Variants in ZSCAN21 observed in about 807,000 individuals in gnomAD.
The protein encoded by ZSCAN21 is zinc finger and SCAN domain-containing protein 21.
In ZSCAN21, 26 loss-of-function variants were observed where a neutral mutation model predicts 35.6. The ratio of observed to expected loss-of-function variants is 0.73; its 90% confidence interval spans 0.54 to 1.01. The LOEUF (loss-of-function observed/expected upper bound fraction) is 1.01. Ranked by LOEUF, ZSCAN21 falls within the 50% of genes least tolerant of loss-of-function variation. ZSCAN21 has a pLI of 0.00. For synonymous variants in ZSCAN21, 219 were observed against 219.3 expected (o/e 1.00, Z 0.01); for missense variants, 593 against 587.1 (o/e 1.01, Z -0.10).
intron 1 of ZSCAN21, among the ~76,000 whole-genome samples, chr7:100,053,331 C>T (rs1381373127): frequency 1.3e-5 from 2 of 151,724 alleles, no homozygotes; most frequent in African/African-American, 4.8e-5. Flanking sequence ...TACTACATGA[C>T]GCTCCCTGTG....
chr7:100,052,450 TA>T lies in ZSCAN21; in HGVS notation c.-97+2620del, dbSNP rs111763077. Among the ~76,000 whole-genome samples, 419 of 146,142 alleles carry T rather than the reference TA, an allele frequency of 2.9e-3. 4 individuals are homozygous for T. Among genetic ancestry groups the T allele is most frequent in the African/African-American group, 9.1e-3 (363 of 39,958 alleles). ...TCTCTAAAAAATAAAAAAATTAAAT[TA>T]AAAAAAAAAAGTGAAAGAGGATTCG... On this transcript the variant is annotated intron_variant, in intron 1 of 3. Transcript: ENST00000292450.
chr7:100,059,551 C>CTT (rs11342747), intron 3 of ZSCAN21, among the ~76,000 whole-genome samples: 7 of 83,264 alleles, frequency 8.4e-5, no homozygotes, highest in African/African-American at 2.0e-4. Context: ...TGCATAAAGT[C>CTT]TTTTTTTTTT....
chr7:100,061,888 C>G (rs928636043), intron 3 of ZSCAN21, among the ~76,000 whole-genome samples: 2 of 152,216 alleles, frequency 1.3e-5, no homozygotes, highest in African/African-American at 4.8e-5. Flanking sequence ...CTCTTACTCC[C>G]CTTTTCCCTG....
At chr7:100,060,805 A>T (rs189691924) in intron 3 of ZSCAN21, among the ~76,000 whole-genome samples, 1 of 149,160 alleles carries the variant, frequency 6.7e-6, no homozygotes, top group Admixed American at 6.9e-5. Context: ...GGTTGCAGTA[A>T]GTCAAGATCG....
chr7:100,063,058 TTTTTA>T (rs1192347879), intron 3 of ZSCAN21, among the ~76,000 whole-genome samples: 2 of 152,076 alleles, frequency 1.3e-5, no homozygotes, highest in African/African-American at 4.8e-5. Context: ...CCACCTAATT[TTTTTA>T]TTTTAACTTT....
At chr7:100,060,872 A>AC (rs1459723261) in intron 3 of ZSCAN21, among the ~76,000 whole-genome samples, 39 of 151,592 alleles carry the variant, frequency 2.6e-4, no homozygotes, top group African/African-American at 8.9e-4. Flanking sequence ...AAAAAAAAAA[A>AC]AAAAAACATT....
chr7:100,053,546 A>ATACATACATACTTT (rs755978112), intron 1 of ZSCAN21, among the ~76,000 whole-genome samples: 1 of 79,488 alleles, frequency 1.3e-5, no homozygotes, highest in African/African-American at 5.6e-5. Context: ...TACATACATA[A>ATACATACATACTTT]TTTTTTTTTT....
intron 1 of ZSCAN21, among the ~76,000 whole-genome samples, chr7:100,056,273 T>C (rs1792072460): frequency 6.6e-6 from 1 of 152,124 alleles, no homozygotes; most frequent in Non-Finnish European, 1.5e-5. Context: ...TCAAGCTAAA[T>C]GTCTTAGGTT....
In ZSCAN21 at chr7:100,057,693, T is replaced by C. The variant is rs778788509; in HGVS notation, c.400-5T>C. On this transcript the variant is annotated splice_polypyrimidine_tract_variant and splice_region_variant and intron_variant, in intron 2 of 3. Transcript: ENST00000292450. ...ACAAACCTAGCCATTCCTGATTGTCTCTAGGTCTCAACTCCTCCAAACGAA... is the reference window on the plus strand; with the variant it reads ...ACAAACCTAGCCATTCCTGATTGTCCCTAGGTCTCAACTCCTCCAAACGAA... The C allele has an allele frequency of 6.2e-7, 1 of 1,604,966 alleles. No homozygotes were observed. Among genetic ancestry groups the C allele is most frequent in the South Asian group, 1.1e-5 (1 of 89,860 alleles).
Position 100,064,916 on chromosome 7 carries a change from G to C in ZSCAN21, c.*299G>C, listed in dbSNP as rs780913753. On this transcript the variant is annotated 3_prime_UTR_variant, in exon 4 of 4. Transcript: ENST00000292450. ...GTTAAACAGACGTGTATCCAGTCTA[G>C]TTAAGGAAGAAACATTAAGATTGTT... 76 of 1,612,570 alleles carry C rather than the reference G, an allele frequency of 4.7e-5. No individual in the cohort carries two copies. Among genetic ancestry groups the C allele is most frequent in the Non-Finnish European group, 6.4e-5 (75 of 1,179,484 alleles).
intron 1 of ZSCAN21, among the ~76,000 whole-genome samples, chr7:100,055,440 T>C (rs927410353): frequency 4.6e-5 from 7 of 151,672 alleles, no homozygotes; most frequent in African/African-American, 1.7e-4. Context: ...CTAATTTTTG[T>C]ATTTTTAGTA....
intron 3 of ZSCAN21, among the ~76,000 whole-genome samples, chr7:100,061,872 G>A (rs1054950473): frequency 6.6e-6 from 1 of 152,298 alleles, no homozygotes; most frequent in East Asian, 1.9e-4. Context: ...TTTTCAGAGC[G>A]AATTTCTCTT....
intron 1 of ZSCAN21, among the ~76,000 whole-genome samples, chr7:100,050,712 C>A (rs561656943): frequency 6.6e-6 from 1 of 151,790 alleles, no homozygotes; most frequent in South Asian, 2.1e-4. Context: ...AAAAAAAGAA[C>A]GTTGATTTGA....
chr7:100,064,892 T>G lies in ZSCAN21; in HGVS notation c.*275T>G, dbSNP rs202229615. ...CATGCCAGCATTACCTTTTGCGTAG[T>G]TAAACAGACGTGTATCCAGTCTAGT... On this transcript the variant is annotated 3_prime_UTR_variant, in exon 4 of 4. Transcript: ENST00000292450. 1 of 845,708 alleles carries G rather than the reference T, an allele frequency of 1.2e-6. No homozygotes were observed. The highest frequency in any genetic ancestry group is 2.0e-5 in the African/African-American group (1 of 50,418). 52.4% of individuals were successfully genotyped at this position (845,708 alleles called of 1,614,324 possible). A position where few individuals can be genotyped will look rare whatever the true frequency, so the allele number is the denominator to read the frequency against.
At position 100,065,024 on chromosome 7, in the gene ZSCAN21, CTT is replaced by C; in HGVS notation, c.*408_*409del. ...ACAATTGAATGAGATTCAGAATAAA[CTT>C]ATAACATCTTGTAATGCCTCAGGAC... On this transcript the variant is annotated 3_prime_UTR_variant, in exon 4 of 4. Transcript: ENST00000292450. 1.5e-6 allele frequency: 2 copies of C among 1,347,434 alleles called. No individual in the cohort carries two copies. The highest frequency in any genetic ancestry group is 1.0e-6 in the Non-Finnish European group (1 of 976,880). 83.5% of individuals were successfully genotyped at this position (1,347,434 alleles called of 1,614,324 possible).
intron 1 of ZSCAN21, among the ~76,000 whole-genome samples, chr7:100,051,282 C>CTTTTTTTTTTTTTT (rs1164734568): frequency 0.011 from 388 of 34,972 alleles, 140 homozygotes; most frequent in East Asian, 0.027. Flanking sequence ...TAGGGATTTT[C>CTTTTTTTTTTTTTT]TTTTTTTTTT....
In ZSCAN21 at chr7:100,057,728, G is replaced by T; in HGVS notation, c.430G>T (p.Val144Leu). 1 of 1,613,404 alleles carries T rather than the reference G, an allele frequency of 6.2e-7. No individual in the cohort carries two copies. The highest frequency in any genetic ancestry group is 8.5e-7 in the Non-Finnish European group (1 of 1,179,692). ...VSTPPNEQKP[V>L]WEKISSSGTA... ...AACTCCTCCAAACGAACAGAAACCG[G>T]TGTGGGAGAAGATATCCTCCTCAGG... Residue 144 changes from valine to leucine, a missense_variant, in exon 3 of 4, where the codon GTG becomes TTG. Coordinates refer to ENST00000292450, the MANE Select transcript of ZSCAN21 (RefSeq NM_145914.3).
At chr7:100,063,447 C>G (rs1021409004) in intron 3 of ZSCAN21, among the ~76,000 whole-genome samples, 2 of 151,992 alleles carry the variant, frequency 1.3e-5, no homozygotes, top group African/African-American at 4.8e-5. Context: ...AAAAAAAATA[C>G]AAAAAATAGC....
intron 3 of ZSCAN21, among the ~76,000 whole-genome samples, chr7:100,060,577 A>C (rs1792247895): frequency 6.7e-6 from 1 of 150,136 alleles, no homozygotes; most frequent in African/African-American, 2.5e-5. Flanking sequence ...TAAAAAAAAA[A>C]CCAGACTGGC....
Sources: allele counts gnomAD v4.1 joint callset (sites outside exome capture counted in the v4.1 genomes callset), GRCh38; gene constraint gnomAD v4.1.1; transcripts MANE v1.5; gene names NCBI Gene and HGNC (gene_info 2026-07-23, HGNC 2026-07-21).